Variants in MGAT4C observed in about 807,000 individuals in gnomAD.
MGAT4C encodes the protein alpha-1,3-mannosyl-glycoprotein 4-beta-N-acetylglucosaminyltransferase C.
In MGAT4C, 19 loss-of-function variants were observed where a neutral mutation model predicts 40.1. The ratio of observed to expected loss-of-function variants is 0.47; its 90% CI spans 0.33 to 0.70. MGAT4C has a LOEUF of 0.70. MGAT4C is among the 30% of genes least tolerant of loss of function. The pLI is 0.02. For synonymous variants in MGAT4C, 181 were observed against 187.1 expected (o/e 0.97, Z 0.27); for missense variants, 491 against 563.2 (o/e 0.87, Z 1.30).
intron 2 of MGAT4C, among the ~76,000 whole-genome samples, chr12:86,610,196 G>A (rs1213905776): frequency 2.0e-5 from 3 of 152,100 alleles, no homozygotes; most frequent in Non-Finnish European, 2.9e-5. Flanking sequence ...AAAGGTGGTC[G>A]AGGATAGCGT....
intron 1 of MGAT4C, among the ~76,000 whole-genome samples, chr12:86,765,534 T>C (rs1029998248): frequency 3.3e-5 from 5 of 151,978 alleles, no homozygotes; most frequent in East Asian, 3.9e-4. Context: ...AGATACCCCT[T>C]GAGAAGAGCA....
chr12:86,197,118 T>A (rs1949845749), intron 1 of MGAT4C, among the ~76,000 whole-genome samples: 1 of 152,198 alleles, frequency 6.6e-6, no homozygotes. Flanking sequence ...CACAAGAGAC[T>A]AGAACACAAT....
chr12:86,556,442 G>A lies in MGAT4C; in HGVS notation c.-228-121177C>T, dbSNP rs142837311. On this transcript the variant is annotated intron_variant, in intron 2 of 7. Transcript: ENST00000548651. ...CTGTTACCTGATCTTTTACATTTTTGCTCTACCAAAAGAGCTGCAGCAAAC... is the reference window on the plus strand; with the variant it reads ...CTGTTACCTGATCTTTTACATTTTTACTCTACCAAAAGAGCTGCAGCAAAC... Among the ~76,000 whole-genome samples the A allele has an allele frequency of 6.3e-3, 962 of 151,958 alleles. 5 individuals are homozygous for A. The highest frequency in any genetic ancestry group is 8.9e-3 in the Non-Finnish European group (604 of 67,940).
intron 2 of MGAT4C, among the ~76,000 whole-genome samples, chr12:86,670,606 T>C (rs987477756): frequency 6.6e-6 from 1 of 152,184 alleles, no homozygotes; most frequent in African/African-American, 2.4e-5. Flanking sequence ...CTATAAGTTG[T>C]TCGCATTCAT....
chr12:86,335,036 TA>T (rs1158730583), intron 3 of MGAT4C, among the ~76,000 whole-genome samples: 1 of 149,242 alleles, frequency 6.7e-6, no homozygotes, highest in African/African-American at 2.5e-5. Context: ...TTATTTAAAT[TA>T]TATAAATGCA....
intron 4 of MGAT4C, among the ~76,000 whole-genome samples, chr12:86,283,406 TATAA>T (rs1953269044): frequency 6.6e-6 from 1 of 152,004 alleles, no homozygotes; most frequent in African/African-American, 2.4e-5. Context: ...TTATATTATA[TATAA>T]ATAATTTCCA....
chr12:86,315,904 A>G (rs1048576591), intron 4 of MGAT4C, among the ~76,000 whole-genome samples: 14 of 151,860 alleles, frequency 9.2e-5, no homozygotes, highest in Admixed American at 5.2e-4. Flanking sequence ...TTAACAGAGT[A>G]CACAGATAAT....
At chr12:86,244,210 T>G (rs1418252269) in intron 1 of MGAT4C, among the ~76,000 whole-genome samples, 1 of 152,202 alleles carries the variant, frequency 6.6e-6, no homozygotes, top group African/African-American at 2.4e-5. Flanking sequence ...GGCGGTCATT[T>G]GCTGACTACC....
At chr12:86,524,188 C>T (rs542229764) in intron 2 of MGAT4C, among the ~76,000 whole-genome samples, 84 of 152,230 alleles carry the variant, frequency 5.5e-4, no homozygotes, top group Non-Finnish European at 6.5e-4. Flanking sequence ...TCGTGTCACA[C>T]GTCTATGTAC....
intron 2 of MGAT4C, among the ~76,000 whole-genome samples, chr12:86,003,077 AG>A (rs1250121076): frequency 3.3e-5 from 5 of 152,172 alleles, no homozygotes; most frequent in African/African-American, 1.2e-4. Flanking sequence ...TCAGGATTAC[AG>A]GTGTGAGCCA....
intron 1 of MGAT4C, among the ~76,000 whole-genome samples, chr12:86,108,159 T>G (rs1876557492): frequency 6.6e-6 from 1 of 152,086 alleles, no homozygotes; most frequent in South Asian, 2.1e-4. Context: ...AGAAAAGCCT[T>G]AAAACTGAAT....
intron 2 of MGAT4C, among the ~76,000 whole-genome samples, chr12:86,690,348 G>A (rs1437122084): frequency 6.6e-6 from 1 of 152,132 alleles, no homozygotes; most frequent in Non-Finnish European, 1.5e-5. Context: ...GGCAATCCAG[G>A]CACCACTGGG....
At chr12:86,251,689 T>C (rs531710005) in intron 1 of MGAT4C, among the ~76,000 whole-genome samples, 1 of 152,140 alleles carries the variant, frequency 6.6e-6, no homozygotes, top group South Asian at 2.1e-4. Flanking sequence ...AGCACAAATA[T>C]GTATACTCAG....
chr12:86,793,729 T>G (rs538066548), intron 1 of MGAT4C, among the ~76,000 whole-genome samples: 3 of 152,030 alleles, frequency 2.0e-5, no homozygotes, highest in Non-Finnish European at 4.4e-5. Flanking sequence ...TTCATTAAAT[T>G]TACTTATTTA....
At chr12:86,429,461 A>G (rs1305997999) in intron 3 of MGAT4C, among the ~76,000 whole-genome samples, 1 of 152,162 alleles carries the variant, frequency 6.6e-6, no homozygotes, top group Non-Finnish European at 1.5e-5. Flanking sequence ...TATTTTGTTT[A>G]TCTCTGTTAG....
rs570207139 is a variant in MGAT4C at position 86,084,299 on chromosome 12, A to T, written c.-56-34576T>A. On this transcript the variant is annotated intron_variant, in intron 1 of 4. Transcript: ENST00000611864. ...TTATTTTTGAGGAGGTGGTTAGGAAATGAAGTGTGAAATTAATTTTCCTGC... is the reference window on the plus strand; with the variant it reads ...TTATTTTTGAGGAGGTGGTTAGGAATTGAAGTGTGAAATTAATTTTCCTGC... 5.9e-5 allele frequency among the ~76,000 whole-genome samples: 9 copies of T among 152,196 alleles called. No homozygotes were observed. The East Asian group carries it at 1.5e-3, about 26-fold the overall frequency.
chr12:86,767,766 C>G lies in MGAT4C; in HGVS notation c.-261-40525G>C, dbSNP rs1391067408. Among the ~76,000 whole-genome samples the G allele has an allele frequency of 2.0e-5, 3 of 152,042 alleles. No individual in the cohort carries two copies. The South Asian group carries it at 6.2e-4, about 32-fold the overall frequency. On this transcript the variant is annotated intron_variant, in intron 1 of 7. Transcript: ENST00000548651. ...TATAAACAGAACCAAAGACAAAAAC[C>G]ACATGATTATCTCAATAGATGCAGA...
chr12:86,192,231 C>G (rs937435768), intron 1 of MGAT4C, among the ~76,000 whole-genome samples: 1 of 151,760 alleles, frequency 6.6e-6, no homozygotes, highest in African/African-American at 2.4e-5. Flanking sequence ...ACCCTAGAAC[C>G]TAAAGTATAA....
At chr12:86,482,754 T>C (rs891864356) in intron 2 of MGAT4C, among the ~76,000 whole-genome samples, 1 of 152,196 alleles carries the variant, frequency 6.6e-6, no homozygotes, top group African/African-American at 2.4e-5. Context: ...TTAATTAAGA[T>C]GTCCAATGAA....
Sources: allele counts gnomAD v4.1 joint callset (sites outside exome capture counted in the v4.1 genomes callset), GRCh38; gene constraint gnomAD v4.1.1; transcripts MANE v1.5; gene names NCBI Gene and HGNC (gene_info 2026-07-23, HGNC 2026-07-21).